Variants in PHOSPHO1 observed in about 807,000 individuals in gnomAD.
The protein encoded by PHOSPHO1 is phosphoethanolamine/phosphocholine phosphatase.
PHOSPHO1 carries 6 observed loss-of-function variants against 17.7 expected under a neutral mutation model. That is an observed-to-expected ratio of 0.34 (90% CI 0.19 to 0.67). The LOEUF (loss-of-function observed/expected upper bound fraction) is 0.67, where lower values mean the gene tolerates loss of function less well. Ranked by LOEUF, PHOSPHO1 falls within the 30% of genes least tolerant of loss-of-function variation. The pLI is 0.69. For synonymous variants in PHOSPHO1, 159 were observed against 174.6 expected, an observed-to-expected ratio of 0.91 and a Z score of 0.71; for missense variants, 330 against 392.1, an observed-to-expected ratio of 0.84 and a Z score of 1.34.
intron 1 of PHOSPHO1, among the ~76,000 whole-genome samples, chr17:49,228,746 C>T (rs901373861): frequency 2.6e-4 from 37 of 144,324 alleles, no homozygotes; most frequent in African/African-American, 9.2e-4. Context: ...GCCGAGATTG[C>T]GCCATTGCAT....
chr17:49,230,319 G>C (rs551589935), intron 1 of PHOSPHO1, 149 bp downstream of exon 1: 1 of 152,224 alleles, frequency 6.6e-6, no homozygotes, highest in Non-Finnish European at 1.5e-5. Context: ...CCAGCACTAT[G>C]TTCCTGGGTA....
intron 2 of PHOSPHO1, among the ~76,000 whole-genome samples, chr17:49,226,047 A>G (rs2043351886): frequency 6.6e-6 from 1 of 151,948 alleles, no homozygotes; most frequent in African/African-American, 2.4e-5. Flanking sequence ...AAGAGGGGAC[A>G]TGTCTGGGCA....
intron 2 of PHOSPHO1, chr17:49,225,288 C>G (rs1009667361): frequency 1.0e-6 from 1 of 985,452 alleles, no homozygotes; most frequent in South Asian, 4.7e-5. Flanking sequence ...CTACTCTCAT[C>G]GAGGGCCAAT....
intron 1 of PHOSPHO1, 93 bp from the exon 2 acceptor site, chr17:49,226,851 TA>T: frequency 1.4e-6 from 1 of 736,082 alleles, no homozygotes; most frequent in Non-Finnish European, 2.3e-6. Flanking sequence ...TCTGCTGAGC[TA>T]CAGGAGGCAT....
intron 1 of PHOSPHO1, among the ~76,000 whole-genome samples, chr17:49,228,265 C>T (rs1030635266): frequency 1.1e-5 from 1 of 89,934 alleles, no homozygotes; most frequent in South Asian, 3.6e-4. Context: ...TCCTTCCTTC[C>T]TTCCTTCCTT....
chr17:49,225,028 A>G, intron 2 of PHOSPHO1, 24 bp from the exon 3 acceptor site: 1 of 1,378,394 alleles, frequency 7.3e-7, no homozygotes, highest in Non-Finnish European at 9.6e-7. Flanking sequence ...GGAGAGCAGC[A>G]GGAGGAGGAG....
chr17:49,230,743 A>G lies in PHOSPHO1; in HGVS notation c.-343T>C, dbSNP rs138249239. 0.022 allele frequency: 3,435 copies of G among 155,390 alleles called. 53 individuals are homozygous for G. The highest frequency in any genetic ancestry group is 0.047 in the Middle Eastern group (14 of 296). The allele number at this position is 155,390 out of a possible 1,614,324, so 9.6% of individuals were successfully genotyped here. ...GCCGCGTCCCCTTTAAATGCCCGGG[A>G]GCCGGAGCCGGAGCCGGAGCCGCGG... is the stretch of plus-strand genomic sequence containing the variant. On this transcript the variant is annotated 5_prime_UTR_variant, in exon 1 of 3. Coordinates refer to ENST00000310544, the MANE Select transcript of PHOSPHO1 (RefSeq NM_178500.4).
chr17:49,229,541 A>G lies in PHOSPHO1; in HGVS notation c.-68+927T>C, dbSNP rs1009463636. 5.9e-5 allele frequency among the ~76,000 whole-genome samples: 9 copies of G among 152,110 alleles called. No individual in the cohort carries two copies. The East Asian group carries it at 1.7e-3, about 29-fold the overall frequency. On this transcript the variant is annotated intron_variant, in intron 1 of 2. Transcript: ENST00000310544. ...AGGGAAACAGGCCCCTCTCTGATAC[A>G]GGCCCTAAGTTTCAAATTCCCCTCT...
At chr17:49,226,802 C>CT in intron 1 of PHOSPHO1, 44 bp from the exon 2 acceptor site, 1 of 1,303,966 alleles carries the variant, frequency 7.7e-7, no homozygotes, top group Non-Finnish European at 1.1e-6. Flanking sequence ...AGTCAGCTGA[C>CT]TTTGCTTCCA....
intron 1 of PHOSPHO1, chr17:49,229,176 G>A (rs1178447536): frequency 2.0e-5 from 3 of 152,032 alleles, no homozygotes; most frequent in Admixed American, 1.3e-4. Context: ...GTGACACCTC[G>A]TCCCCACCCC....
chr17:49,230,088 G>A (rs1373598858), intron 1 of PHOSPHO1, among the ~76,000 whole-genome samples: 1 of 152,044 alleles, frequency 6.6e-6, no homozygotes, highest in African/African-American at 2.4e-5. Flanking sequence ...GATCCTAGGG[G>A]CAGGGGCAGG....
At chr17:49,228,157 C>T (rs186510165) in intron 1 of PHOSPHO1, among the ~76,000 whole-genome samples, 2 of 152,086 alleles carry the variant, frequency 1.3e-5, no homozygotes, top group Non-Finnish European at 2.9e-5. Context: ...TACAAAGATT[C>T]CAAGGGGTCA....
intron 1 of PHOSPHO1, 77 bp from the exon 2 acceptor site, chr17:49,226,835 G>A (rs1243292098): frequency 2.3e-6 from 2 of 873,646 alleles, no homozygotes; most frequent in African/African-American, 3.3e-5. Flanking sequence ...ACCTGGCCCT[G>A]GTCCTTCTGC....
intron 2 of PHOSPHO1, chr17:49,225,303 C>A (rs1439488749): frequency 1.0e-6 from 1 of 985,338 alleles, no homozygotes; most frequent in African/African-American, 1.7e-5. Context: ...GCCAATGGGG[C>A]TTAACAAGGG....
chr17:49,225,258 C>T (rs1158432083), intron 2 of PHOSPHO1: 3 of 1,403,890 alleles, frequency 2.1e-6, no homozygotes, highest in Admixed American at 6.4e-5. Flanking sequence ...GCCCAGAGGG[C>T]TTCTCGGCAC....
rs1170240532 is a variant in PHOSPHO1, at chr17:49,224,009, A to C, written c.*237T>G. 1.6e-5 allele frequency: 8 copies of C among 487,996 alleles called. No individual in the cohort carries two copies. Among genetic ancestry groups the C allele is most frequent in the Non-Finnish European group, 2.4e-5 (7 of 296,552 alleles). 30.2% of individuals were successfully genotyped at this position (487,996 alleles called of 1,614,324 possible). On this transcript the variant is annotated 3_prime_UTR_variant, in exon 3 of 3. Coordinates refer to ENST00000310544, the MANE Select transcript of PHOSPHO1 (RefSeq NM_178500.4). ...TGCGCGCCACCCCGCGATGGGTCAG[A>C]CTCCAGAACTCAACCGTGCACAGTG...
intron 1 of PHOSPHO1, among the ~76,000 whole-genome samples, chr17:49,228,276 CCTTCCT>C (rs2043377178): frequency 1.0e-5 from 1 of 97,094 alleles, no homozygotes; most frequent in African/African-American, 4.3e-5. Context: ...TTCCTTCCTT[CCTTCCT>C]TCCTTCCTTC....
At chr17:49,228,299 C>T (rs201380229) in intron 1 of PHOSPHO1, among the ~76,000 whole-genome samples, 2,767 of 73,142 alleles carry the variant, frequency 0.038, 32 homozygotes, top group African/African-American at 0.06. Flanking sequence ...CTTCCTTCCT[C>T]CTTCCTTCCT....
At position 49,224,418 on chromosome 17, in the gene PHOSPHO1, A is replaced by G. The variant is rs1462321012; in HGVS notation, c.632T>C (p.Met211Thr). The part of the protein sequence containing the change: ...VGDGANDFCP[M>T]GLLAGGDVAF... ...CACGTCGCCGCCCGCCAGCAGCCCC[A>G]TGGGGCAGAAGTCGTTGGCGCCGTC... Residue 211 changes from methionine to threonine, a missense_variant, in exon 3 of 3, where the codon ATG becomes ACG. Coordinates refer to ENST00000310544, the MANE Select transcript of PHOSPHO1 (RefSeq NM_178500.4). 1.3e-6 allele frequency: 2 copies of G among 1,553,616 alleles called. No individual in the cohort carries two copies. The highest frequency in any genetic ancestry group is 2.7e-5 in the African/African-American group (2 of 73,408).
Sources: gnomAD v4.1 joint callset for allele counts (sites outside exome capture counted in the v4.1 genomes callset) on GRCh38, gnomAD v4.1.1 for gene constraint, MANE v1.5 for transcripts, NCBI Gene and HGNC (gene_info 2026-07-23, HGNC 2026-07-21) for gene names.